Variants in OXR1 observed in about 807,000 individuals in gnomAD.
OXR1 encodes oxidation resistance 1.
A neutral mutation model predicts 104.6 loss-of-function variants in OXR1; 41 were observed. The ratio of observed to expected loss-of-function variants is 0.39; its 90% CI spans 0.31 to 0.51. The LOEUF is 0.51. OXR1 is among the 20% of genes least tolerant of loss of function. The pLI, the probability that OXR1 is intolerant of heterozygous loss-of-function variation, is 0.77. For synonymous variants in OXR1, 348 were observed against 348.4 expected (o/e 1.00, Z 0.01); for missense variants, 955 against 1,031.9 (o/e 0.93, Z 1.02).
chr8:106,541,429 C>T (rs1464673953), intron 3 of OXR1, among the ~76,000 whole-genome samples: 1 of 152,166 alleles, frequency 6.6e-6, no homozygotes, highest in Non-Finnish European at 1.5e-5. Flanking sequence ...GCTATATGTT[C>T]TTCTTAGAAG....
chr8:106,302,321 G>A (rs946726991), intron 1 of OXR1, among the ~76,000 whole-genome samples: 4 of 152,148 alleles, frequency 2.6e-5, no homozygotes, highest in Non-Finnish European at 4.4e-5. Flanking sequence ...GGTGGCTCAC[G>A]CCTGTAATCC....
intron 2 of OXR1, among the ~76,000 whole-genome samples, chr8:106,496,953 G>A (rs1330811711): frequency 6.6e-6 from 1 of 152,166 alleles, no homozygotes; most frequent in Admixed American, 6.5e-5. Context: ...AAGGAAGGGG[G>A]CACTTCCTTT....
chr8:106,334,934 C>T (rs1414769141), intron 1 of OXR1, among the ~76,000 whole-genome samples: 10 of 152,100 alleles, frequency 6.6e-5, no homozygotes, highest in Admixed American at 6.6e-4. Flanking sequence ...ATGCAAACTC[C>T]TTGGCTGCCA....
intron 2 of OXR1, among the ~76,000 whole-genome samples, chr8:106,489,722 C>T (rs2129840567): frequency 6.6e-6 from 1 of 151,980 alleles, no homozygotes; most frequent in South Asian, 2.1e-4. Context: ...GTCTTCTGTA[C>T]TTATCATGTT....
intron 3 of OXR1, among the ~76,000 whole-genome samples, chr8:106,579,336 C>T (rs1818077223): frequency 6.6e-6 from 1 of 152,136 alleles, no homozygotes; most frequent in Non-Finnish European, 1.5e-5. Flanking sequence ...TTCTGGCTCT[C>T]CTGTGTGTCC....
intron 3 of OXR1, among the ~76,000 whole-genome samples, chr8:106,657,340 A>C (rs140258485): frequency 6.6e-6 from 1 of 152,068 alleles, no homozygotes; most frequent in Non-Finnish European, 1.5e-5. Flanking sequence ...AAGGAAATAC[A>C]AGCTGCAAAA....
At chr8:106,683,008 C>T (rs942637282) in intron 4 of OXR1, among the ~76,000 whole-genome samples, 191 bp from the exon 5 acceptor site, 3 of 152,138 alleles carry the variant, frequency 2.0e-5, no homozygotes, top group African/African-American at 7.2e-5. Flanking sequence ...GAAGCCTTTA[C>T]TCTGTATTGT....
chr8:106,309,371 C>T (rs1022092006), intron 1 of OXR1, among the ~76,000 whole-genome samples: 2 of 152,076 alleles, frequency 1.3e-5, no homozygotes, highest in African/African-American at 4.8e-5. Context: ...CTTACATACA[C>T]ATCTTAAATA....
intron 2 of OXR1, among the ~76,000 whole-genome samples, chr8:106,461,620 A>G (rs1234706796): frequency 6.6e-6 from 1 of 152,168 alleles, no homozygotes; most frequent in Admixed American, 6.6e-5. Context: ...TTGGGAATGC[A>G]GTTTAAATAC....
At chr8:106,517,893 A>C (rs1812964883) in intron 2 of OXR1, among the ~76,000 whole-genome samples, 1 of 152,204 alleles carries the variant, frequency 6.6e-6, no homozygotes, top group Non-Finnish European at 1.5e-5. Context: ...TATTATCTTC[A>C]CAAAGCTTTT....
At chr8:106,495,038 C>T (rs894178028) in intron 2 of OXR1, among the ~76,000 whole-genome samples, 6 of 151,966 alleles carry the variant, frequency 3.9e-5, no homozygotes, top group African/African-American at 1.5e-4. Context: ...AGCTGATAGC[C>T]GATTTGCCCC....
chr8:106,559,174 C>T (rs1320821649), intron 3 of OXR1, among the ~76,000 whole-genome samples: 2 of 152,216 alleles, frequency 1.3e-5, no homozygotes, highest in African/African-American at 4.8e-5. Context: ...GACACGAACA[C>T]AATTCAGCCA....
chr8:106,352,288 T>C (rs1178792612), intron 1 of OXR1, among the ~76,000 whole-genome samples: 1 of 152,196 alleles, frequency 6.6e-6, no homozygotes, highest in African/African-American at 2.4e-5. Flanking sequence ...ATGAGTATAT[T>C]TCAGGAAGTG....
In OXR1 at chr8:106,671,747, T is replaced by C. The variant is rs541872051; in HGVS notation, c.221-7463T>C. ...AAAACCAAACACTGCATGTTCTCAC[T>C]CATAGGTGGGAATTGAAGAACGAGA... On this transcript the variant is annotated intron_variant, in intron 3 of 16. Coordinates refer to ENST00000517566, the MANE Select transcript of OXR1 (RefSeq NM_001198533.2). 3.6e-5 allele frequency among the ~76,000 whole-genome samples: 5 copies of C among 140,022 alleles called. No homozygotes were observed. In the South Asian group the frequency reaches 1.1e-3, roughly 31 times the overall value. The allele number at this position is 140,022 out of a possible 152,430, so 91.9% of individuals were successfully genotyped here.
At chr8:106,461,209 G>A (rs956582799) in intron 2 of OXR1, among the ~76,000 whole-genome samples, 1 of 152,142 alleles carries the variant, frequency 6.6e-6, no homozygotes, top group South Asian at 2.1e-4. Context: ...TCTGGCTAGA[G>A]TAAGAGTAGT....
intron 2 of OXR1, among the ~76,000 whole-genome samples, chr8:106,438,101 T>C (rs10216769): frequency 0.22 from 33,804 of 152,094 alleles, 5,150 homozygotes; most frequent in East Asian, 0.42. Flanking sequence ...TGCAGATCTT[T>C]AGGGACTGTT....
chr8:106,361,321 CA>C (rs1816234697), intron 2 of OXR1, among the ~76,000 whole-genome samples: 2 of 152,318 alleles, frequency 1.3e-5, no homozygotes, highest in Admixed American at 6.5e-5. Context: ...TTCCATGTTA[CA>C]GCTTCAGATT....
chr8:106,300,693 G>C (rs750296392), intron 1 of OXR1, among the ~76,000 whole-genome samples: 1 of 152,064 alleles, frequency 6.6e-6, no homozygotes, highest in African/African-American at 2.4e-5. Flanking sequence ...CAGATCGAAA[G>C]GTAACCTGCT....
intron 2 of OXR1, among the ~76,000 whole-genome samples, chr8:106,370,037 A>G (rs917223488): frequency 1.3e-5 from 2 of 152,178 alleles, no homozygotes; most frequent in Non-Finnish European, 2.9e-5. Context: ...TGAGGATGGA[A>G]TGTTTTTCCA....
Sources: gnomAD v4.1 joint callset for allele counts (sites outside exome capture counted in the v4.1 genomes callset) on GRCh38, gnomAD v4.1.1 for gene constraint, MANE v1.5 for transcripts, NCBI Gene and HGNC (gene_info 2026-07-23, HGNC 2026-07-21) for gene names.